Variants in GRK5 observed in about 807,000 individuals in gnomAD.
GRK5 encodes the protein g protein-coupled receptor kinase GRK5.
GRK5 carries 40 observed loss-of-function variants against 78.4 expected under a neutral mutation model. That is an observed-to-expected ratio of 0.51 (90% CI 0.40 to 0.66). The LOEUF (loss-of-function observed/expected upper bound fraction) is 0.66. GRK5 is among the 30% of genes least tolerant of loss of function. GRK5 has a pLI of 0.00. For synonymous variants in GRK5, 289 were observed against 296.8 expected, an observed-to-expected ratio of 0.97 and a Z score of 0.27; for missense variants, 598 against 759.9, an observed-to-expected ratio of 0.79 and a Z score of 2.50.
chr10:119,346,060 T>C (rs1395476079), intron 2 of GRK5, among the ~76,000 whole-genome samples: 3 of 149,100 alleles, frequency 2.0e-5, no homozygotes, highest in African/African-American at 7.5e-5. Flanking sequence ...ACCCTTGCCA[T>C]GGGGAGCAGG....
At chr10:119,327,548 G>C (rs1850700640) in intron 2 of GRK5, among the ~76,000 whole-genome samples, 1 of 152,322 alleles carries the variant, frequency 6.6e-6, no homozygotes, top group East Asian at 1.9e-4. Flanking sequence ...GCTTTTCTGG[G>C]GACTTCTGCC....
At chr10:119,306,744 G>T (rs1012304538) in intron 1 of GRK5, among the ~76,000 whole-genome samples, 5 of 152,248 alleles carry the variant, frequency 3.3e-5, no homozygotes, top group Middle Eastern at 6.8e-3. Flanking sequence ...CGCTGCACCT[G>T]CAGGTGTTTC....
intron 6 of GRK5, among the ~76,000 whole-genome samples, chr10:119,427,850 C>A (rs1445588935): frequency 6.6e-6 from 1 of 152,264 alleles, no homozygotes; most frequent in Non-Finnish European, 1.5e-5. Flanking sequence ...ATCAGCATCA[C>A]TGCTGTTATC....
intron 2 of GRK5, among the ~76,000 whole-genome samples, chr10:119,365,332 T>C (rs1202792484): frequency 3.3e-5 from 5 of 152,204 alleles, no homozygotes; most frequent in Non-Finnish European, 4.4e-5. Flanking sequence ...GCATGTTGCT[T>C]TTTTCCCCCT....
rs138795380 is a variant in GRK5, at chr10:119,428,249, T to C, written c.534-2126T>C. On this transcript the variant is annotated intron_variant, in intron 6 of 15. Coordinates refer to ENST00000392870, the MANE Select transcript of GRK5 (RefSeq NM_005308.3). ...CCAACTCCAGCCCACCGCTACCAGC[T>C]AGGGCCTCGGGCAACTCATTTCACC... 2.9e-3 allele frequency among the ~76,000 whole-genome samples: 446 copies of C among 152,368 alleles called. 1 individual carries two copies. Among genetic ancestry groups the C allele is most frequent in the African/African-American group, 0.01 (432 of 41,580 alleles).
chr10:119,447,979 C>A, intron 12 of GRK5, 144 bp from the exon 13 acceptor site: 1 of 984,244 alleles, frequency 1.0e-6, no homozygotes, highest in Non-Finnish European at 1.4e-6. Context: ...CGCCAAGACT[C>A]AGAGGCAGCC....
At chr10:119,291,867 CTCCTCA>C (rs1440254332) in intron 1 of GRK5, among the ~76,000 whole-genome samples, 2 of 148,568 alleles carry the variant, frequency 1.3e-5, no homozygotes, top group Admixed American at 6.8e-5. Context: ...TCTCCTTTTC[CTCCTCA>C]TCCTCCTCCT....
intron 1 of GRK5, among the ~76,000 whole-genome samples, chr10:119,220,533 T>C (rs1229807535): frequency 2.0e-5 from 3 of 152,062 alleles, no homozygotes; most frequent in Non-Finnish European, 4.4e-5. Context: ...GTCTTTTTGG[T>C]AGCTTAAAAA....
chr10:119,255,710 C>T (rs1849272474), intron 1 of GRK5, among the ~76,000 whole-genome samples: 2 of 152,160 alleles, frequency 1.3e-5, no homozygotes, highest in African/African-American at 4.8e-5. Flanking sequence ...TGTTTTCTGC[C>T]CATTCTCCCA....
intron 2 of GRK5, among the ~76,000 whole-genome samples, chr10:119,341,635 T>A (rs1453866818): frequency 1.3e-5 from 2 of 152,020 alleles, no homozygotes; most frequent in African/African-American, 2.4e-5. Context: ...ACCTTTGTCT[T>A]CTGTTTGGCT....
rs1246857939 is a variant in GRK5 at position 119,394,591 on chromosome 10, G to C, written c.262-2104G>C. ...TGTGTGTGTGTCTGTGTGTGGGTGT[G>C]TGTCTGTGTGTGGGCACGTGTATGT... On this transcript the variant is annotated intron_variant, in intron 3 of 15. Coordinates refer to ENST00000392870, the MANE Select transcript of GRK5 (RefSeq NM_005308.3). 3.8e-3 allele frequency among the ~76,000 whole-genome samples: 12 copies of C among 3,188 alleles called. 3 individuals carry two copies. Among genetic ancestry groups the C allele is most frequent in the Non-Finnish European group, 0.011 (11 of 1,034 alleles). 2.1% of individuals were successfully genotyped at this position (3,188 alleles called of 152,430 possible). A position where few individuals can be genotyped will look rare whatever the true frequency, so the allele number is the denominator to read the frequency against.
At chr10:119,417,638 C>G (rs544859116) in intron 4 of GRK5, among the ~76,000 whole-genome samples, 3 of 127,998 alleles carry the variant, frequency 2.3e-5, no homozygotes, top group African/African-American at 9.2e-5. Context: ...CACACCATGC[C>G]TGAATATCCC....
rs910803699 is a variant in GRK5, at chr10:119,231,503, C to T, written c.52+23534C>T. Among the ~76,000 whole-genome samples the T allele has an allele frequency of 5.3e-5, 8 of 151,724 alleles. No individual in the cohort carries two copies. The South Asian group carries it at 8.4e-4, about 16-fold the overall frequency. On this transcript the variant is annotated intron_variant, in intron 1 of 15. Transcript: ENST00000392870. ...GGTGGATCACTTGAGGTCAGGAGTT[C>T]GAAACCAGCCTGACCAACATGGTGA...
intron 1 of GRK5, among the ~76,000 whole-genome samples, chr10:119,226,282 CTTCTTT>C: frequency 7.3e-6 from 1 of 137,890 alleles, no homozygotes; most frequent in South Asian, 2.4e-4. Flanking sequence ...CTGGCATCTT[CTTCTTT>C]TTCTTTTTTT....
In GRK5 at chr10:119,317,802, T is replaced by C. The variant is rs151094404; in HGVS notation, c.53-8714T>C. The stretch of plus-strand genomic sequence containing the variant: ...TTAGAAGACGTAGACAGGGCAGAAA[T>C]AACAAGTCAGAGAGGAAGAAATTCC... On this transcript the variant is annotated intron_variant, in intron 1 of 15. Coordinates refer to ENST00000392870, the MANE Select transcript of GRK5 (RefSeq NM_005308.3). Among the ~76,000 whole-genome samples, 653 of 152,198 alleles carry C rather than the reference T, an allele frequency of 4.3e-3. 7 individuals carry two copies. Among genetic ancestry groups the C allele is most frequent in the African/African-American group, 0.015 (620 of 41,524 alleles).
At chr10:119,326,913 G>A (rs140491870) in intron 2 of GRK5, among the ~76,000 whole-genome samples, 4 of 152,380 alleles carry the variant, frequency 2.6e-5, no homozygotes, top group Non-Finnish European at 4.4e-5. Context: ...TTCAGATGGG[G>A]AAACTGAGGC....
intron 2 of GRK5, among the ~76,000 whole-genome samples, chr10:119,377,688 G>A (rs1466268142): frequency 6.6e-6 from 1 of 151,984 alleles, no homozygotes; most frequent in Non-Finnish European, 1.5e-5. Flanking sequence ...TTTCCATACT[G>A]ACAGCAAATG....
intron 2 of GRK5, among the ~76,000 whole-genome samples, chr10:119,345,777 G>A (rs1017899601): frequency 3.3e-5 from 5 of 151,406 alleles, no homozygotes; most frequent in African/African-American, 4.9e-5. Flanking sequence ...GGGTAATAGC[G>A]TGTTTTCCAA....
intron 2 of GRK5, among the ~76,000 whole-genome samples, chr10:119,348,066 T>A (rs1015208715): frequency 1.3e-5 from 2 of 152,220 alleles, no homozygotes; most frequent in African/African-American, 4.8e-5. Flanking sequence ...CGTGTCTCAG[T>A]CGCCAGTGCC....
Sources: allele counts gnomAD v4.1 joint callset (sites outside exome capture counted in the v4.1 genomes callset), GRCh38; gene constraint gnomAD v4.1.1; transcripts MANE v1.5; gene names NCBI Gene and HGNC (gene_info 2026-07-23, HGNC 2026-07-21).